ZFP62: variants seen among roughly 807,000 people sequenced by gnomAD.
The protein encoded by ZFP62 is zinc finger protein 62 homolog.
Under a neutral mutation model 56.4 loss-of-function variants are expected in ZFP62, and 44 were observed. That is an observed-to-expected ratio of 0.78 (90% CI 0.61 to 1.00). The LOEUF (loss-of-function observed/expected upper bound fraction) is 1.00, where lower values mean the gene tolerates loss of function less well. Ranked by LOEUF, ZFP62 falls within the 50% of genes least tolerant of loss-of-function variation. The probability of loss-of-function intolerance (pLI) is 0.00; values close to 1 mark genes in which losing one functional copy is unlikely to be tolerated. For missense variants in ZFP62, 1,030 were observed against 1,085.7 expected, an observed-to-expected ratio of 0.95 and a Z score of 0.72; for synonymous variants, 421 against 388.9, an observed-to-expected ratio of 1.08 and a Z score of -0.97.
At chr5:180,830,899 G>C in the ZFP62 span, 1 of 152,288 alleles carries the variant, frequency 6.6e-6, no homozygotes, top group South Asian at 2.1e-4. Flanking sequence ...GGGAGAGACG[G>C]CGGGTGGGGG....
chr5:180,827,440 G>A, the ZFP62 span, among the ~76,000 whole-genome samples: 2 of 152,182 alleles, frequency 1.3e-5, no homozygotes, highest in African/African-American at 4.8e-5. Context: ...GTCAACTCAG[G>A]GTTAAATGGA....
chr5:180,848,764 T>C lies in ZFP62; in HGVS notation c.*28A>G. 1 of 1,478,664 alleles carries C rather than the reference T, an allele frequency of 6.8e-7. No homozygotes were observed. Among genetic ancestry groups the C allele is most frequent in the Non-Finnish European group, 9.0e-7 (1 of 1,112,430 alleles). The allele number at this position is 1,478,664 out of a possible 1,614,324, so 91.6% of individuals were successfully genotyped here. A position where few individuals can be genotyped will look rare whatever the true frequency, so the allele number is the denominator to read the frequency against. On this transcript the variant is annotated 3_prime_UTR_variant, in exon 2 of 2. Transcript: ENST00000502412. Reference sequence around the variant, plus strand: ...TCATAAGGTATTTCTTCCATTTGAGTTCGGAGAGACTTGGTAAGCTCTGCC... The same window carrying C: ...TCATAAGGTATTTCTTCCATTTGAGCTCGGAGAGACTTGGTAAGCTCTGCC...
Position 180,851,156 on chromosome 5 carries a change from ACTGCCTCT to A in ZFP62, c.331_338del (p.Arg111Ter). ...TGTTCTCCACACGTTTGCCTTGCTC[ACTGCCTCT>A]CTGTCCTATAGGCATAGTCTGGTGT... On this transcript the variant is annotated frameshift_variant, in exon 2 of 2. Coordinates refer to ENST00000502412, the MANE Select transcript of ZFP62 (RefSeq NM_001172638.2). LOFTEE classifies it high-confidence loss of function. 6.4e-7 allele frequency: 1 copy of A among 1,551,746 alleles called. No individual in the cohort carries two copies. Among genetic ancestry groups the A allele is most frequent in the Non-Finnish European group, 8.7e-7 (1 of 1,147,006 alleles).
chr5:180,853,022 T>C (rs1365594953), intron 1 of ZFP62, among the ~76,000 whole-genome samples: 1 of 152,222 alleles, frequency 6.6e-6, no homozygotes, highest in African/African-American at 2.4e-5. Flanking sequence ...TAAGGGGAAT[T>C]TGCCAATATC....
intron 1 of ZFP62, among the ~76,000 whole-genome samples, chr5:180,856,917 C>T (rs1774013626): frequency 7.1e-6 from 1 of 141,794 alleles, no homozygotes; most frequent in African/African-American, 2.8e-5. Context: ...CGTGCCACTG[C>T]ACTCCAGCCT....
chr5:180,841,213 A>C, the ZFP62 span, among the ~76,000 whole-genome samples: 1 of 152,222 alleles, frequency 6.6e-6, no homozygotes, highest in East Asian at 1.9e-4. Context: ...AACTGAAACA[A>C]AATGGAAAGC....
intron 1 of ZFP62, among the ~76,000 whole-genome samples, chr5:180,857,177 G>C (rs140505437): frequency 6.6e-6 from 1 of 152,010 alleles, no homozygotes; most frequent in Non-Finnish European, 1.5e-5. Context: ...CTTGATCCTC[G>C]GGAGCTTCGG....
At chr5:180,827,947 T>C in the ZFP62 span, among the ~76,000 whole-genome samples, 1 of 152,214 alleles carries the variant, frequency 6.6e-6, no homozygotes, top group Non-Finnish European at 1.5e-5. Flanking sequence ...TTCTTTACCT[T>C]GTCTATGATG....
rs2121117 is a variant in ZFP62, at chr5:180,861,239, G to T, written c.-20C>A. On this transcript the variant is annotated 5_prime_UTR_variant, in exon 1 of 2. Transcript: ENST00000502412. ...CGTACTGGCTGTGGCGGCGCCGCGG[G>T]AACCCGGCCGCCAGCGGGACAAAAG... The T allele has an allele frequency of 2.5e-6, 1 of 397,778 alleles. No individual in the cohort carries two copies. The highest frequency in any genetic ancestry group is 4.4e-6 in the Non-Finnish European group (1 of 225,578). 24.6% of individuals were successfully genotyped at this position (397,778 alleles called of 1,614,324 possible). A position where few individuals can be genotyped will look rare whatever the true frequency, so the allele number is the denominator to read the frequency against.
At chr5:180,857,733 G>A (rs1429397012) in intron 1 of ZFP62, among the ~76,000 whole-genome samples, 1 of 151,812 alleles carries the variant, frequency 6.6e-6, no homozygotes, top group African/African-American at 2.4e-5. Context: ...CTGACCTCAG[G>A]GGATCCACCC....
At chr5:180,852,794 A>T (rs1432459958) in intron 1 of ZFP62, among the ~76,000 whole-genome samples, 1 of 152,254 alleles carries the variant, frequency 6.6e-6, no homozygotes, top group Non-Finnish European at 1.5e-5. Context: ...ATACAGGAAA[A>T]CAGGTAAAAA....
the ZFP62 span, among the ~76,000 whole-genome samples, chr5:180,827,724 C>A: frequency 1.3e-5 from 2 of 152,292 alleles, no homozygotes; most frequent in South Asian, 2.1e-4. Flanking sequence ...AAGAGGAAGG[C>A]ATGCCTCTTG....
Position 180,851,508 on chromosome 5 carries a change from T to C in ZFP62, c.2-15A>G. Reference sequence around the variant, plus strand: ...CAAATGTGACACTAAACCAAGAAAATGAAAAGGACACCTATTCACTCTCTT... The same window carrying C: ...CAAATGTGACACTAAACCAAGAAAACGAAAAGGACACCTATTCACTCTCTT... On this transcript the variant is annotated splice_polypyrimidine_tract_variant and intron_variant, in intron 1 of 1. Transcript: ENST00000502412. 6.6e-7 allele frequency: 1 copy of C among 1,511,942 alleles called. No homozygotes were observed. Among genetic ancestry groups the C allele is most frequent in the Non-Finnish European group, 8.8e-7 (1 of 1,130,648 alleles). 93.7% of individuals were successfully genotyped at this position (1,511,942 alleles called of 1,614,324 possible).
At chr5:180,860,611 C>G (rs1173194128) in intron 1 of ZFP62, 1 of 151,428 alleles carries the variant, frequency 6.6e-6, no homozygotes, top group African/African-American at 2.4e-5. Flanking sequence ...GGTGCGCTTC[C>G]CCAGATGAGG....
At position 180,854,235 on chromosome 5, in the gene ZFP62, C is replaced by CA. The variant is rs934868870; in HGVS notation, c.2-2743dup. Among the ~76,000 whole-genome samples the CA allele has an allele frequency of 5.5e-3, 840 of 152,050 alleles. 9 individuals are homozygous for CA. The highest frequency in any genetic ancestry group is 0.019 in the African/African-American group (767 of 41,446). Reference sequence around the variant, plus strand: ...CTATACCAGCAAGTAAAGAGAGGCTCAAAAAAAGGGTAGGGACACGCTGCA... The same window carrying CA: ...CTATACCAGCAAGTAAAGAGAGGCTCAAAAAAAAGGGTAGGGACACGCTGCA... On this transcript the variant is annotated intron_variant, in intron 1 of 1. Coordinates refer to ENST00000502412, the MANE Select transcript of ZFP62 (RefSeq NM_001172638.2).
chr5:180,831,415 G>GTT, the ZFP62 span: 130 of 146,370 alleles, frequency 8.9e-4, no homozygotes, highest in African/African-American at 2.8e-3. Flanking sequence ...TTTCGGCCAT[G>GTT]TTTTTTTTTT....
downstream of ZFP62, among the ~76,000 whole-genome samples, chr5:180,844,401 C>G (rs374880581): frequency 1.3e-5 from 2 of 152,194 alleles, no homozygotes; most frequent in Admixed American, 6.5e-5. Flanking sequence ...TGGGGCTTTG[C>G]CCTGCCCACC....
the ZFP62 span, chr5:180,831,422 T>G: frequency 2.6e-5 from 4 of 152,144 alleles, no homozygotes; most frequent in Admixed American, 1.3e-4. Flanking sequence ...CATGTTTTTT[T>G]TTTTTTGAGA....
At chr5:180,838,856 G>A in the ZFP62 span, among the ~76,000 whole-genome samples, 2 of 152,184 alleles carry the variant, frequency 1.3e-5, no homozygotes, top group African/African-American at 4.8e-5. Flanking sequence ...TATTTTTGGA[G>A]AGCAATTTTC....
Sources: allele counts gnomAD v4.1 joint callset (sites outside exome capture counted in the v4.1 genomes callset), GRCh38; gene constraint gnomAD v4.1.1; transcripts MANE v1.5; gene names NCBI Gene and HGNC (gene_info 2026-07-23, HGNC 2026-07-21).